The following PARP16 variants were observed in gnomAD, a reference collection of about 807,000 sequenced individuals.
The protein encoded by PARP16 is poly(ADP-ribose) polymerase family member 16, also known as protein mono-ADP-ribosyltransferase PARP16.
In PARP16, 31 loss-of-function variants were observed where a neutral mutation model predicts 35.0. The ratio of observed to expected loss-of-function variants is 0.88; its 90% CI spans 0.66 to 1.19. The LOEUF (loss-of-function observed/expected upper bound fraction) is 1.19. Among genes scored for constraint, PARP16 ranks in the 50% most tolerant of loss-of-function variants. The probability of loss-of-function intolerance (pLI) is 0.00; values close to 1 mark genes in which losing one functional copy is unlikely to be tolerated. For synonymous variants in PARP16, 162 were observed against 169.5 expected, an observed-to-expected ratio of 0.96 and a Z score of 0.34; for missense variants, 424 against 411.2, an observed-to-expected ratio of 1.03 and a Z score of -0.27.
At chr15:65,232,619 C>T (rs893100625), downstream of PARP16, among the ~76,000 whole-genome samples, 7 of 152,020 alleles carry the variant, frequency 4.6e-5, no homozygotes, top group African/African-American at 7.3e-5. Context: ...AATTACTCAC[C>T]GGACCAGGCT....
intron 3 of PARP16, among the ~76,000 whole-genome samples, chr15:65,246,431 G>A (rs532318351): frequency 3.9e-4 from 60 of 152,314 alleles, no homozygotes; most frequent in Non-Finnish European, 6.6e-4. Flanking sequence ...TCAGCCACCT[G>A]AGCCAGGAGC....
downstream of PARP16, among the ~76,000 whole-genome samples, chr15:65,253,552 G>A (rs1298029624): frequency 6.6e-6 from 1 of 151,710 alleles, no homozygotes; most frequent in Non-Finnish European, 1.5e-5. Context: ...GGATGGTCTC[G>A]ATCTCCTGAC....
At position 65,271,181 on chromosome 15, in the gene PARP16, T is replaced by G. The variant is rs544678527; in HGVS notation, c.175-109A>C. 31 of 1,009,994 alleles carry G rather than the reference T, an allele frequency of 3.1e-5. No individual in the cohort carries two copies. The African/African-American group carries it at 3.7e-4, about 12-fold the overall frequency. The allele number at this position is 1,009,994 out of a possible 1,614,324, so 62.6% of individuals were successfully genotyped here. A position where few individuals can be genotyped will look rare whatever the true frequency, so the allele number is the denominator to read the frequency against. Reference sequence around the variant, plus strand: ...TTCACTTGTTGCACGTCTCAAGGGATCTCCTGAGAGGAAATTCACAGGTCT... The same window carrying G: ...TTCACTTGTTGCACGTCTCAAGGGAGCTCCTGAGAGGAAATTCACAGGTCT... On this transcript the variant is annotated intron_variant, in intron 1 of 5. Coordinates refer to ENST00000649807, the MANE Select transcript of PARP16 (RefSeq NM_001316943.2).
At chr15:65,264,239 T>C (rs1351019898) in intron 3 of PARP16, among the ~76,000 whole-genome samples, 1 of 152,170 alleles carries the variant, frequency 6.6e-6, no homozygotes, top group Non-Finnish European at 1.5e-5. Flanking sequence ...TTGCCCATGG[T>C]AGATGACCAA....
intron 2 of PARP16, among the ~76,000 whole-genome samples, chr15:65,269,540 CAA>C (rs1230659308): frequency 6.6e-6 from 1 of 152,134 alleles, no homozygotes; most frequent in Non-Finnish European, 1.5e-5. Flanking sequence ...CAGTCTATGG[CAA>C]AGTTTTCTCT....
At chr15:65,252,453 G>A (rs1397031227) in intron 2 of PARP16, among the ~76,000 whole-genome samples, 1 of 152,178 alleles carries the variant, frequency 6.6e-6, no homozygotes, top group African/African-American at 2.4e-5. Context: ...GAATAAAACT[G>A]CATCTTTAAA....
chr15:65,284,973 A>G (rs1171501146), intron 1 of PARP16, among the ~76,000 whole-genome samples: 1 of 151,754 alleles, frequency 6.6e-6, no homozygotes, highest in African/African-American at 2.4e-5. Flanking sequence ...GTGCATCACC[A>G]CACTCAGCTA....
chr15:65,270,751 G>A (rs1326763958), intron 2 of PARP16, among the ~76,000 whole-genome samples, 184 bp downstream of exon 2: 2 of 152,158 alleles, frequency 1.3e-5, no homozygotes, highest in African/African-American at 4.8e-5. Context: ...TACAGCCAGT[G>A]GGAAAGCTCC....
At position 65,270,941 on chromosome 15, in the gene PARP16, C is replaced by G; in HGVS notation, c.306G>C (p.Lys102Asn). Residue 102 changes from lysine to asparagine, a missense_variant, in exon 2 of 6, where the codon AAG becomes AAC. Coordinates refer to ENST00000649807, the MANE Select transcript of PARP16 (RefSeq NM_001316943.2). ...CTACGGACCAAAGTCTCACCTCTGC[C>G]TTCCCTGCACTGTGGATTGTCAGGA... ...SKVLTIHSAG[K>N]AEFEKIQKLT... is the part of the protein sequence containing the mutation. The G allele has an allele frequency of 6.2e-7, 1 of 1,614,184 alleles. No individual in the cohort carries two copies. The highest frequency in any genetic ancestry group is 8.5e-7 in the Non-Finnish European group (1 of 1,180,032).
intron 3 of PARP16, among the ~76,000 whole-genome samples, chr15:65,239,009 T>C (rs946311222): frequency 6.6e-6 from 1 of 152,144 alleles, no homozygotes; most frequent in Non-Finnish European, 1.5e-5. Flanking sequence ...CATGTGCCTG[T>C]AGTCCCAGCT....
At chr15:65,280,739 G>A (rs939270037) in intron 1 of PARP16, among the ~76,000 whole-genome samples, 2 of 152,010 alleles carry the variant, frequency 1.3e-5, no homozygotes, top group Non-Finnish European at 2.9e-5. Context: ...GCTTATATGC[G>A]CTTTAACCCA....
chr15:65,278,353 T>G (rs2090319521), intron 1 of PARP16, among the ~76,000 whole-genome samples: 1 of 152,122 alleles, frequency 6.6e-6, no homozygotes, highest in South Asian at 2.1e-4. Context: ...TTTCCCAGTT[T>G]CCGAAAAGCT....
intron 1 of PARP16, among the ~76,000 whole-genome samples, chr15:65,280,071 A>G (rs1421490840): frequency 1.3e-5 from 2 of 152,028 alleles, no homozygotes; most frequent in African/African-American, 4.8e-5. Context: ...TAATAATAAT[A>G]ACGATCTTCC....
chr15:65,278,882 T>G (rs2090337221), intron 1 of PARP16, among the ~76,000 whole-genome samples: 3 of 152,132 alleles, frequency 2.0e-5, no homozygotes. Flanking sequence ...TCACCATTTT[T>G]GGGACCACAG....
At position 65,258,215 on chromosome 15, in the gene PARP16, AC is replaced by A; in HGVS notation, c.*1191del. On this transcript the variant is annotated 3_prime_UTR_variant, in exon 6 of 6. Coordinates refer to ENST00000649807, the MANE Select transcript of PARP16 (RefSeq NM_001316943.2). ...AGAAAAATGATTTTTCCTCTTCTTT[AC>A]AGAAATGTCACTCCCAAATCGTACC... The A allele has an allele frequency of 6.6e-6, 1 of 152,342 alleles. No homozygotes were observed. The highest frequency in any genetic ancestry group is 1.9e-4 in the East Asian group (1 of 5,186). 9.4% of individuals were successfully genotyped at this position (152,342 alleles called of 1,614,324 possible).
intron 3 of PARP16, among the ~76,000 whole-genome samples, 179 bp downstream of exon 3, chr15:65,266,383 T>G (rs1045502021): frequency 1.3e-5 from 2 of 152,130 alleles, no homozygotes; most frequent in African/African-American, 4.8e-5. Context: ...TTTTGCATTT[T>G]CTTAGGTCTC....
At position 65,286,500 on chromosome 15, in the gene PARP16, C is replaced by A; in HGVS notation, c.-74G>T. 1 of 1,225,234 alleles carries A rather than the reference C, an allele frequency of 8.2e-7. No individual in the cohort carries two copies. Among genetic ancestry groups the A allele is most frequent in the East Asian group, 3.1e-5 (1 of 32,554 alleles). The allele number at this position is 1,225,234 out of a possible 1,614,324, so 75.9% of individuals were successfully genotyped here. ...GGCGAGCGTGCGTTCAGCGCGGGGG[C>A]TGGGCCCGCGGACAATGGGCCGTCA... On this transcript the variant is annotated 5_prime_UTR_variant, in exon 1 of 6. Transcript: ENST00000649807.
chr15:65,240,307 T>TG (rs1415684617), intron 3 of PARP16, among the ~76,000 whole-genome samples: 4 of 70,454 alleles, frequency 5.7e-5, no homozygotes, highest in Admixed American at 4.7e-4. Flanking sequence ...TGTGTGTGTG[T>TG]GTGGTGGGGG....
In PARP16 at chr15:65,258,839, G is replaced by A. The variant is rs776744192; in HGVS notation, c.*568C>T. On this transcript the variant is annotated 3_prime_UTR_variant, in exon 6 of 6. Coordinates refer to ENST00000649807, the MANE Select transcript of PARP16 (RefSeq NM_001316943.2). ...GGGGAGGGGGGCAAGTACAGCTATA[G>A]GAGAAGGCTGTTTGTTGATTTGAGA... 3.9e-5 allele frequency: 6 copies of A among 152,642 alleles called. No individual in the cohort carries two copies. The highest frequency in any genetic ancestry group is 1.2e-4 in the African/African-American group (5 of 41,428). The allele number at this position is 152,642 out of a possible 1,614,324, so 9.5% of individuals were successfully genotyped here.
Sources: allele counts gnomAD v4.1 joint callset (sites outside exome capture counted in the v4.1 genomes callset), GRCh38; gene constraint gnomAD v4.1.1; transcripts MANE v1.5; gene names NCBI Gene and HGNC (gene_info 2026-07-23, HGNC 2026-07-21).